The following ADAM12 variants were observed in gnomAD, a reference collection of about 807,000 sequenced individuals.
ADAM12 encodes ADAM metallopeptidase domain 12, also known as disintegrin and metalloproteinase domain-containing protein 12.
In ADAM12, 70 loss-of-function variants were observed where a neutral mutation model predicts 106.4. That is an observed-to-expected ratio of 0.66 (90% CI 0.54 to 0.80). ADAM12 has a LOEUF of 0.80. ADAM12 is among the 30% of genes least tolerant of loss of function. The pLI is 0.00. For synonymous variants in ADAM12, 420 were observed against 433.5 expected, an observed-to-expected ratio of 0.97 and a Z score of 0.39; for missense variants, 1,010 against 1,171.9, an observed-to-expected ratio of 0.86 and a Z score of 2.02.
chr10:126,062,877 T>C (rs1386686073), intron 14 of ADAM12, among the ~76,000 whole-genome samples: 1 of 152,202 alleles, frequency 6.6e-6, no homozygotes, highest in Non-Finnish European at 1.5e-5. Context: ...GGGACGGCAC[T>C]AGGGATGCCT....
At chr10:126,177,137 G>A (rs1957235113) in intron 3 of ADAM12, among the ~76,000 whole-genome samples, 1 of 151,976 alleles carries the variant, frequency 6.6e-6, no homozygotes, top group South Asian at 2.1e-4. Context: ...GTGTGCTATA[G>A]GAAATGCTTA....
intron 18 of ADAM12, chr10:126,041,197 G>A (rs562004407): frequency 3.0e-6 from 1 of 335,202 alleles, no homozygotes; most frequent in African/African-American, 2.2e-5. Context: ...GTCTCTCCAG[G>A]ACCCAGGAGA....
At chr10:126,370,481 G>T (rs903827089) in intron 1 of ADAM12, among the ~76,000 whole-genome samples, 9 of 152,226 alleles carry the variant, frequency 5.9e-5, no homozygotes, top group African/African-American at 2.2e-4. Flanking sequence ...ATTTTAGCTG[G>T]TAAGTCCACA....
At chr10:126,274,551 G>A (rs750584085) in intron 3 of ADAM12, among the ~76,000 whole-genome samples, 6 of 152,130 alleles carry the variant, frequency 3.9e-5, no homozygotes, top group Non-Finnish European at 5.9e-5. Flanking sequence ...CCATTGATCC[G>A]AACTGCTGAA....
intron 4 of ADAM12, among the ~76,000 whole-genome samples, chr10:126,143,923 T>G (rs1956576086): frequency 6.6e-6 from 1 of 152,164 alleles, no homozygotes; most frequent in East Asian, 1.9e-4. Flanking sequence ...AAAGAAAAAG[T>G]GACTTTGCAG....
intron 1 of ADAM12, among the ~76,000 whole-genome samples, chr10:126,357,325 G>A (rs1422336600): frequency 6.6e-6 from 1 of 152,004 alleles, no homozygotes; most frequent in African/African-American, 2.4e-5. Context: ...TGCTGAGGGA[G>A]GGGGAAAAAA....
chr10:126,071,712 C>T, intron 11 of ADAM12, 58 bp from the exon 12 acceptor site: 4 of 1,586,548 alleles, frequency 2.5e-6, no homozygotes, highest in Non-Finnish European at 3.4e-6. Flanking sequence ...TTTGTCTGCC[C>T]TTCTTGTGCC....
At chr10:126,118,251 A>G (rs199993588) in intron 5 of ADAM12, 27 bp from the exon 6 acceptor site, 98 of 1,560,764 alleles carry the variant, frequency 6.3e-5, no homozygotes, top group Non-Finnish European at 3.0e-5. Context: ...AAGAAAAAAT[A>G]TATAATTTTA....
chr10:126,277,908 T>C (rs978241542), intron 3 of ADAM12, among the ~76,000 whole-genome samples: 1 of 152,210 alleles, frequency 6.6e-6, no homozygotes, highest in African/African-American at 2.4e-5. Context: ...TGATTGACTG[T>C]CTTTCGTCTG....
At position 126,013,083 on chromosome 10, in the gene ADAM12, T is replaced by C. The variant is rs755833516; in HGVS notation, c.*4196A>G. The C allele has an allele frequency of 1.3e-5, 2 of 152,234 alleles. No individual in the cohort carries two copies. Among genetic ancestry groups the C allele is most frequent in the Non-Finnish European group, 2.9e-5 (2 of 68,040 alleles). The allele number at this position is 152,234 out of a possible 1,614,324, so 9.4% of individuals were successfully genotyped here. ...GAATTACTTTGTATGTTAAATCTTC[T>C]GGCCATCATTATCCATTATTGGATA... On this transcript the variant is annotated 3_prime_UTR_variant, in exon 23 of 23. Transcript: ENST00000448723. The surrounding 1 kb of genome is among the most constrained non-coding windows in gnomAD (Gnocchi z 4.3).
At chr10:126,156,215 G>A (rs1237377023) in intron 3 of ADAM12, among the ~76,000 whole-genome samples, 1 of 149,008 alleles carries the variant, frequency 6.7e-6, no homozygotes, top group African/African-American at 2.5e-5. Context: ...CCAGTGTGAA[G>A]GGAGCGATCA....
intron 2 of ADAM12, among the ~76,000 whole-genome samples, chr10:126,323,661 C>T (rs1854190931): frequency 6.6e-6 from 1 of 152,162 alleles, no homozygotes; most frequent in Non-Finnish European, 1.5e-5. Context: ...AGGGAGGGCA[C>T]AGGCTGGTTG....
At chr10:126,341,255 C>T (rs1416364477) in intron 1 of ADAM12, among the ~76,000 whole-genome samples, 1 of 152,122 alleles carries the variant, frequency 6.6e-6, no homozygotes, top group Non-Finnish European at 1.5e-5. Flanking sequence ...GTCTCTACCA[C>T]CCCTCAATCA....
intron 1 of ADAM12, among the ~76,000 whole-genome samples, chr10:126,334,144 G>C (rs1297354697): frequency 6.6e-6 from 1 of 152,162 alleles, no homozygotes; most frequent in Non-Finnish European, 1.5e-5. Context: ...ATTATACACA[G>C]CTGTGAGGTA....
chr10:126,097,398 G>A (rs1955577200), intron 10 of ADAM12, among the ~76,000 whole-genome samples: 1 of 152,168 alleles, frequency 6.6e-6, no homozygotes. Context: ...CCTTAGTGCA[G>A]GCTTACATTA....
intron 4 of ADAM12, among the ~76,000 whole-genome samples, chr10:126,140,705 A>T (rs1167718243): frequency 6.6e-6 from 1 of 152,244 alleles, no homozygotes; most frequent in African/African-American, 2.4e-5. Context: ...AATTTCGTGA[A>T]ATTTAATTTT....
At chr10:126,054,170 A>G (rs898667209) in intron 14 of ADAM12, among the ~76,000 whole-genome samples, 5 of 152,230 alleles carry the variant, frequency 3.3e-5, no homozygotes, top group African/African-American at 9.6e-5. Flanking sequence ...CACTTTCTCT[A>G]TTAGCCCAGT....
chr10:126,316,880 AAATAC>A (rs1458695221), intron 2 of ADAM12, among the ~76,000 whole-genome samples: 2 of 152,144 alleles, frequency 1.3e-5, no homozygotes, highest in African/African-American at 4.8e-5. Flanking sequence ...CATGACAGAC[AAATAC>A]ATTTTAAGAG....
chr10:126,372,049 G>A (rs1856129773), intron 1 of ADAM12, among the ~76,000 whole-genome samples: 1 of 152,120 alleles, frequency 6.6e-6, no homozygotes, highest in Non-Finnish European at 1.5e-5. Flanking sequence ...TGCCCCTAAT[G>A]GTAGACTGAT....
Sources: gnomAD v4.1 joint callset for allele counts (sites outside exome capture counted in the v4.1 genomes callset) on GRCh38, gnomAD v4.1.1 for gene constraint, Gnocchi (gnomAD v3.1) non-coding constraint, MANE v1.5 for transcripts, NCBI Gene and HGNC (gene_info 2026-07-23, HGNC 2026-07-21) for gene names.